Variants in SPOCK3 observed in about 807,000 individuals in gnomAD.
SPOCK3 encodes SPARC (osteonectin), cwcv and kazal like domains proteoglycan 3.
Under a neutral mutation model 56.6 loss-of-function variants are expected in SPOCK3, and 30 were observed. The ratio of observed to expected loss-of-function variants is 0.53; its 90% CI spans 0.40 to 0.72. The LOEUF is 0.72. Ranked by LOEUF, SPOCK3 falls within the 30% of genes least tolerant of loss-of-function variation. SPOCK3 has a pLI of 0.00. For synonymous variants in SPOCK3, 196 were observed against 183.3 expected (o/e 1.07, Z -0.56); for missense variants, 527 against 530.0 (o/e 0.99, Z 0.06).
intron 2 of SPOCK3, among the ~76,000 whole-genome samples, chr4:167,132,840 T>C (rs1762811133): frequency 6.6e-6 from 1 of 152,136 alleles, no homozygotes; most frequent in African/African-American, 2.4e-5. Context: ...GTGTCTCTTA[T>C]ATATACACAC....
chr4:167,017,490 G>A (rs760539113), intron 3 of SPOCK3, among the ~76,000 whole-genome samples: 24 of 152,100 alleles, frequency 1.6e-4, no homozygotes, highest in Non-Finnish European at 2.8e-4. Context: ...TGGATAGATA[G>A]AGGCCATGAT....
chr4:166,949,937 A>G (rs1742314187), intron 4 of SPOCK3, among the ~76,000 whole-genome samples: 2 of 151,368 alleles, frequency 1.3e-5, no homozygotes, highest in South Asian at 2.1e-4. Context: ...TGAAGGAAGC[A>G]CTAAACATGC....
intron 3 of SPOCK3, among the ~76,000 whole-genome samples, chr4:167,006,687 A>G (rs1438086486): frequency 6.6e-6 from 1 of 152,204 alleles, no homozygotes; most frequent in Non-Finnish European, 1.5e-5. Context: ...AATGCAAAAT[A>G]CAGACTTTTT....
At chr4:167,039,321 C>T (rs1258885597) in intron 3 of SPOCK3, among the ~76,000 whole-genome samples, 5 of 152,160 alleles carry the variant, frequency 3.3e-5, no homozygotes, top group African/African-American at 4.8e-5. Flanking sequence ...GTTAAGGTCA[C>T]GTTCATAAGC....
At chr4:167,051,933 T>A (rs911744724) in intron 3 of SPOCK3, among the ~76,000 whole-genome samples, 1 of 152,232 alleles carries the variant, frequency 6.6e-6, no homozygotes, top group Admixed American at 6.5e-5. Context: ...TCCTGCTCTA[T>A]ATATTTGATT....
At chr4:166,858,580 A>G (rs1475397076) in intron 6 of SPOCK3, among the ~76,000 whole-genome samples, 1 of 152,168 alleles carries the variant, frequency 6.6e-6, no homozygotes, top group African/African-American at 2.4e-5. Flanking sequence ...CAGATTTTTG[A>G]TAAATATCAA....
In SPOCK3 at chr4:166,943,032, T is replaced by A. The variant is rs574932374; in HGVS notation, c.351-30289A>T. On this transcript the variant is annotated intron_variant, in intron 4 of 10. Coordinates refer to ENST00000357545, the MANE Select transcript of SPOCK3 (RefSeq NM_001040159.2). ...AAACATTGCATTCCATGTAAATAGTTTTTGTGTCATTTTAACAAAATGTTC... is the reference window on the plus strand; with the variant it reads ...AAACATTGCATTCCATGTAAATAGTATTTGTGTCATTTTAACAAAATGTTC... 4.6e-5 allele frequency among the ~76,000 whole-genome samples: 7 copies of A among 152,340 alleles called. No individual in the cohort carries two copies. The South Asian group carries it at 1.4e-3, about 32-fold the overall frequency.
At chr4:166,873,313 A>G (rs981385702) in intron 6 of SPOCK3, among the ~76,000 whole-genome samples, 2 of 152,218 alleles carry the variant, frequency 1.3e-5, no homozygotes, top group African/African-American at 4.8e-5. Flanking sequence ...GTATAATACC[A>G]CAATGACTGA....
intron 7 of SPOCK3, among the ~76,000 whole-genome samples, chr4:166,755,181 C>A (rs1314809488): frequency 7.3e-6 from 1 of 136,950 alleles, no homozygotes; most frequent in East Asian, 2.0e-4. Flanking sequence ...TAAGTAATAA[C>A]TTTAATAATT....
chr4:167,088,082 T>C (rs938320591), intron 2 of SPOCK3, among the ~76,000 whole-genome samples: 1 of 152,100 alleles, frequency 6.6e-6, no homozygotes, highest in East Asian at 1.9e-4. Flanking sequence ...AAAGTAAAGA[T>C]GGCTCTTTTC....
chr4:167,163,912 A>T (rs137894345), intron 2 of SPOCK3, among the ~76,000 whole-genome samples: 319 of 152,254 alleles, frequency 2.1e-3, no homozygotes, highest in African/African-American at 7.0e-3. Context: ...TATGTGATAT[A>T]ACTGGTTTTA....
chr4:166,966,123 T>C (rs552573205), intron 4 of SPOCK3, among the ~76,000 whole-genome samples: 67 of 152,240 alleles, frequency 4.4e-4, no homozygotes, highest in African/African-American at 1.4e-3. Context: ...TTTCACTTAG[T>C]AATGTGGGTT....
intron 7 of SPOCK3, among the ~76,000 whole-genome samples, chr4:166,783,954 C>T (rs1209250490): frequency 6.6e-6 from 1 of 151,628 alleles, no homozygotes; most frequent in Non-Finnish European, 1.5e-5. Flanking sequence ...ATTTCTTAAC[C>T]TCTTCATTGT....
intron 7 of SPOCK3, among the ~76,000 whole-genome samples, chr4:166,767,503 G>A (rs12503032): frequency 0.33 from 50,082 of 151,856 alleles, 8,412 homozygotes; most frequent in Admixed American, 0.42. Context: ...GTGGTTTTGA[G>A]TGAGTTTCTT....
At chr4:166,890,857 A>T (rs947169744) in intron 5 of SPOCK3, among the ~76,000 whole-genome samples, 1 of 151,938 alleles carries the variant, frequency 6.6e-6, no homozygotes, top group African/African-American at 2.4e-5. Context: ...ATGAGGTGTT[A>T]AAGTCTCCCA....
intron 2 of SPOCK3, among the ~76,000 whole-genome samples, chr4:167,104,561 A>G (rs568937765): frequency 2.0e-5 from 3 of 152,240 alleles, no homozygotes; most frequent in Admixed American, 6.6e-5. Context: ...AGAATAAAGA[A>G]TAAGAATGAA....
chr4:167,185,823 AAAAT>A (rs1731900327), intron 2 of SPOCK3, among the ~76,000 whole-genome samples: 1 of 152,204 alleles, frequency 6.6e-6, no homozygotes, highest in Non-Finnish European at 1.5e-5. Flanking sequence ...ACGAGTTTCT[AAAAT>A]AAAAATGCAA....
intron 2 of SPOCK3, among the ~76,000 whole-genome samples, chr4:167,159,971 A>G (rs1254789248): frequency 6.6e-6 from 1 of 152,152 alleles, no homozygotes; most frequent in Non-Finnish European, 1.5e-5. Flanking sequence ...TTCCCTTTGA[A>G]AACTGGCACA....
chr4:166,780,350 A>C (rs1169776047), intron 7 of SPOCK3, among the ~76,000 whole-genome samples: 1 of 151,918 alleles, frequency 6.6e-6, no homozygotes, highest in Non-Finnish European at 1.5e-5. Context: ...TGGAAACCAT[A>C]AAAAAAAGAA....
Sources: allele counts gnomAD v4.1 joint callset (sites outside exome capture counted in the v4.1 genomes callset), GRCh38; gene constraint gnomAD v4.1.1; transcripts MANE v1.5; gene names NCBI Gene and HGNC (gene_info 2026-07-23, HGNC 2026-07-21).